Variants in SNAP47 observed in about 807,000 individuals in gnomAD.
The protein encoded by SNAP47 is synaptosome associated protein 47, also known as synaptosomal-associated protein 47.
Under a neutral mutation model 31.4 loss-of-function variants are expected in SNAP47, and 20 were observed. The ratio of observed to expected loss-of-function variants is 0.64; its 90% CI spans 0.45 to 0.93. The LOEUF is 0.93. Among genes scored for constraint, SNAP47 ranks in the 40% least tolerant of loss-of-function variants. SNAP47 has a pLI of 0.00. For missense variants in SNAP47, 492 were observed against 528.5 expected, an observed-to-expected ratio of 0.93 and a Z score of 0.68; for synonymous variants, 194 against 213.4, an observed-to-expected ratio of 0.91 and a Z score of 0.79.
intron 1 of SNAP47, among the ~76,000 whole-genome samples, chr1:227,745,391 A>G (rs1661895141): frequency 6.6e-6 from 1 of 152,176 alleles, no homozygotes. Context: ...AAACGAAATA[A>G]AATTTGTAGA....
chr1:227,759,188 A>T lies in SNAP47; in HGVS notation c.691A>T (p.Thr231Ser). ...TESHVKPGRL[T>S]VLVSGLEIHD... ...GTCTCACGTTAAACCAGGGAGGCTCACCGTCCTTGTGTCTGGGTTGGAAAT... is the reference window on the plus strand; with the variant it reads ...GTCTCACGTTAAACCAGGGAGGCTCTCCGTCCTTGTGTCTGGGTTGGAAAT... Residue 231 changes from threonine to serine, a missense_variant, in exon 3 of 5, where the codon ACC (threonine) becomes TCC (serine). Coordinates refer to ENST00000617596, the MANE Select transcript of SNAP47 (RefSeq NM_053052.4). 3.7e-6 allele frequency: 6 copies of T among 1,614,208 alleles called. No individual in the cohort carries two copies. Among genetic ancestry groups the T allele is most frequent in the Non-Finnish European group, 5.1e-6 (6 of 1,180,034 alleles).
chr1:227,759,884 C>G (rs1472755667), intron 3 of SNAP47, among the ~76,000 whole-genome samples: 4 of 152,210 alleles, frequency 2.6e-5, no homozygotes, highest in Admixed American at 1.3e-4. Context: ...GTGAGTGCTC[C>G]CTCTGGGAAG....
At chr1:227,737,394 GCA>G (rs1661291719) in intron 1 of SNAP47, among the ~76,000 whole-genome samples, 1 of 152,204 alleles carries the variant, frequency 6.6e-6, no homozygotes, top group South Asian at 2.1e-4. Context: ...GTGCTGGTTT[GCA>G]CACAGTGCGA....
chr1:227,744,153 T>C (rs978279460), intron 1 of SNAP47: 10 of 150,086 alleles, frequency 6.7e-5, no homozygotes, highest in African/African-American at 1.2e-4. Context: ...AAACAGTCTG[T>C]GTATGTTCAG....
intron 4 of SNAP47, among the ~76,000 whole-genome samples, chr1:227,775,031 C>T (rs1664067583): frequency 1.3e-5 from 2 of 152,228 alleles, no homozygotes; most frequent in African/African-American, 2.4e-5. Context: ...CCGCCGTGCT[C>T]ATTGCCTCGA....
At position 227,741,455 on chromosome 1, in the gene SNAP47, T is replaced by C. The variant is rs1360283825; in HGVS notation, c.-46+5956T>C. The stretch of plus-strand genomic sequence containing the variant: ...GCCAGGTCCAGCTACCACATTTTTG[T>C]AAGTGAGGTCCTGTGGGGTGGCACA... On this transcript the variant is annotated intron_variant, in intron 1 of 4. Coordinates refer to ENST00000617596, the MANE Select transcript of SNAP47 (RefSeq NM_053052.4). The surrounding 1 kb of genome is among the most constrained non-coding windows in gnomAD (Gnocchi z 4.2). Among the ~76,000 whole-genome samples, 2 of 152,160 alleles carry C rather than the reference T, an allele frequency of 1.3e-5. No homozygotes were observed. The highest frequency in any genetic ancestry group is 1.5e-5 in the Non-Finnish European group (1 of 68,024).
At chr1:227,778,553 T>C (rs1028072327) in intron 4 of SNAP47, among the ~76,000 whole-genome samples, 1 of 152,186 alleles carries the variant, frequency 6.6e-6, no homozygotes, top group Non-Finnish European at 1.5e-5. Context: ...AGGGACAGTG[T>C]GAGTGTGCAG....
chr1:227,732,473 C>T (rs746552596), upstream of SNAP47: 6 of 1,613,326 alleles, frequency 3.7e-6, no homozygotes, highest in South Asian at 6.6e-5. Context: ...CGCTGGTGTC[C>T]ACTCTCTGGA....
intron 4 of SNAP47, among the ~76,000 whole-genome samples, chr1:227,774,933 G>C (rs1664059193): frequency 6.6e-6 from 1 of 152,256 alleles, no homozygotes; most frequent in South Asian, 2.1e-4. Flanking sequence ...TCCAGGCCCA[G>C]CTCCTTGCTC....
intron 2 of SNAP47, among the ~76,000 whole-genome samples, chr1:227,749,690 C>T (rs1662216416): frequency 6.6e-6 from 1 of 151,982 alleles, no homozygotes; most frequent in Non-Finnish European, 1.5e-5. Context: ...GTTTGCCGTC[C>T]TTCTCTATTG....
At chr1:227,749,847 TC>T (rs568096749) in intron 2 of SNAP47, among the ~76,000 whole-genome samples, 1 of 144,294 alleles carries the variant, frequency 6.9e-6, no homozygotes, top group Non-Finnish European at 1.5e-5. Context: ...TGTGTGTGTT[TC>T]AGTACACATA....
upstream of SNAP47, chr1:227,733,475 G>A (rs754222389): frequency 1.1e-5 from 17 of 1,593,082 alleles, no homozygotes; most frequent in Middle Eastern, 3.3e-4. Context: ...CGCTTCCTGC[G>A]TGATCTCCAA....
chr1:227,732,126 C>T, upstream of SNAP47: 1 of 559,374 alleles, frequency 1.8e-6, no homozygotes, highest in Non-Finnish European at 3.2e-6. Context: ...GGAGGCAGGG[C>T]CCCCAAAAGA....
intron 1 of SNAP47, among the ~76,000 whole-genome samples, chr1:227,729,404 C>G (rs2102850191): frequency 6.6e-6 from 1 of 152,290 alleles, no homozygotes. Flanking sequence ...GCCTGGGGAC[C>G]CAAGGTGCAG....
In SNAP47 at chr1:227,748,183, C is replaced by A. The variant is rs779870437; in HGVS notation, c.447C>A (p.Ser149Arg). ...VLHHQGQQLD[S>R]VMRGLDKMES... ...ACCACCAGGGCCAGCAGCTGGACAG[C>A]GTCATGAGAGGCCTGGACAAGATGG... Residue 149 changes from serine to arginine, a missense_variant, in exon 2 of 5, where the codon AGC (serine) becomes AGA (arginine). Physicochemically the swap from Ser to Arg is moderately radical, Grantham distance 110. Transcript: ENST00000617596. 2 of 1,609,188 alleles carry A rather than the reference C, an allele frequency of 1.2e-6. No homozygotes were observed. Among genetic ancestry groups the A allele is most frequent in the Non-Finnish European group, 1.7e-6 (2 of 1,177,952 alleles).
intron 2 of SNAP47, among the ~76,000 whole-genome samples, chr1:227,750,141 A>T (rs13313004): frequency 0.018 from 2,812 of 152,360 alleles, 93 homozygotes; most frequent in African/African-American, 0.063. Context: ...CCTTTCAGTC[A>T]GAGCTTTGCT....
At chr1:227,765,164 T>A (rs1406213530) in intron 3 of SNAP47, among the ~76,000 whole-genome samples, 1 of 152,114 alleles carries the variant, frequency 6.6e-6, no homozygotes, top group East Asian at 1.9e-4. Flanking sequence ...CACCAGCACA[T>A]AGCAGGCTTA....
rs746532757 is a variant in SNAP47 at position 227,759,096 on chromosome 1, G to A, written c.599G>A (p.Ser200Asn). ...TKPREDVSMT[S>N]CEPFGKEGIL... Reference sequence around the variant, plus strand: ...CCCAGGGAAGATGTCTCCATGACCAGTTGTGAACCCTTTGGGAAAGAAGGG... The same window carrying A: ...CCCAGGGAAGATGTCTCCATGACCAATTGTGAACCCTTTGGGAAAGAAGGG... The change falls in exon 3 of 5, where the codon AGT (serine) becomes AAT (asparagine). Residue 200 changes from serine to asparagine, a missense_variant. By Grantham distance (46) the Ser-to-Asn change is conservative. Transcript: ENST00000617596. 1 of 1,614,188 alleles carries A rather than the reference G, an allele frequency of 6.2e-7. No individual in the cohort carries two copies. Among genetic ancestry groups the A allele is most frequent in the Non-Finnish European group, 8.5e-7 (1 of 1,180,044 alleles).
At chr1:227,774,404 T>C (rs1572053703) in intron 4 of SNAP47, among the ~76,000 whole-genome samples, 1 of 151,848 alleles carries the variant, frequency 6.6e-6, no homozygotes, top group Non-Finnish European at 1.5e-5. Flanking sequence ...GTAGGTTCAC[T>C]GGGCCAGGTG....
Sources: allele counts gnomAD v4.1 joint callset (sites outside exome capture counted in the v4.1 genomes callset), GRCh38; gene constraint gnomAD v4.1.1; non-coding constraint Gnocchi (gnomAD v3.1); transcripts MANE v1.5; gene names NCBI Gene and HGNC (gene_info 2026-07-23, HGNC 2026-07-21).